The following AKAP6 variants were observed in gnomAD, a reference collection of about 807,000 sequenced individuals.
AKAP6 encodes A-kinase anchoring protein 6, also known as A-kinase anchor protein 6.
AKAP6 carries 58 observed loss-of-function variants against 188.5 expected under a neutral mutation model. The observed-to-expected ratio is 0.31, with a 90% confidence interval of 0.25 to 0.38. The LOEUF (loss-of-function observed/expected upper bound fraction) is 0.38. AKAP6 is among the 10% of genes least tolerant of loss of function. The probability of loss-of-function intolerance (pLI) is 1.00; values close to 1 mark genes in which losing one functional copy is unlikely to be tolerated. For missense variants in AKAP6, 2,710 were observed against 2,740.0 expected (o/e 0.99, Z 0.24); for synonymous variants, 989 against 998.6 (o/e 0.99, Z 0.18).
At chr14:32,417,603 A>C (rs1889700665) in intron 1 of AKAP6, among the ~76,000 whole-genome samples, 1 of 152,202 alleles carries the variant, frequency 6.6e-6, no homozygotes, top group Admixed American at 6.5e-5. Context: ...GTACTAAACA[A>C]AGTGAGAGGC....
At chr14:32,452,899 A>G (rs1890986590) in intron 2 of AKAP6, among the ~76,000 whole-genome samples, 1 of 152,204 alleles carries the variant, frequency 6.6e-6, no homozygotes. Flanking sequence ...TAAATAATAC[A>G]TGTAAATACT....
At chr14:32,734,312 T>G (rs1052597619) in intron 10 of AKAP6, 9 of 152,134 alleles carry the variant, frequency 5.9e-5, no homozygotes, top group African/African-American at 2.2e-4. Flanking sequence ...TCATCTAAGG[T>G]GAACAGTGTG....
chr14:32,591,602 T>A (rs1490323328), intron 5 of AKAP6, among the ~76,000 whole-genome samples: 1 of 151,824 alleles, frequency 6.6e-6, no homozygotes, highest in Admixed American at 6.6e-5. Flanking sequence ...GAAAGTCTCC[T>A]CAGGAAGAAG....
In AKAP6 at chr14:32,568,288, C is replaced by G. The variant is rs1406979581; in HGVS notation, c.2347-8832C>G. On this transcript the variant is annotated intron_variant, in intron 4 of 13. Transcript: ENST00000280979. This position sits in a 1 kb window ranked among gnomAD's most constrained non-coding sequence, Gnocchi z 6.2. The stretch of plus-strand genomic sequence containing the variant: ...CCAGAGCTTAGACCCTGGAACAAAA[C>G]TATTTAATAACCACTTAATAGCTAT... Among the ~76,000 whole-genome samples the G allele has an allele frequency of 6.6e-6, 1 of 152,118 alleles. No individual in the cohort carries two copies. The highest frequency in any genetic ancestry group is 1.5e-5 in the Non-Finnish European group (1 of 68,018).
intron 4 of AKAP6, among the ~76,000 whole-genome samples, chr14:32,567,605 A>G (rs1345167414): frequency 6.6e-6 from 1 of 152,184 alleles, no homozygotes; most frequent in Non-Finnish European, 1.5e-5. Context: ...GAGGAAATTT[A>G]GAGTACTTAG....
At chr14:32,418,678 T>C (rs996021077) in intron 1 of AKAP6, among the ~76,000 whole-genome samples, 5 of 152,192 alleles carry the variant, frequency 3.3e-5, no homozygotes, top group African/African-American at 1.2e-4. Context: ...TTTTCTAGGG[T>C]TGATGAAGGA....
intron 7 of AKAP6, among the ~76,000 whole-genome samples, chr14:32,666,819 T>C (rs1386130285): frequency 6.6e-6 from 1 of 152,098 alleles, no homozygotes; most frequent in African/African-American, 2.4e-5. Flanking sequence ...TATGGAATTA[T>C]TTTGTAAGAA....
At chr14:32,721,989 A>G (rs777684734) in intron 9 of AKAP6, among the ~76,000 whole-genome samples, 2 of 152,160 alleles carry the variant, frequency 1.3e-5, no homozygotes, top group African/African-American at 4.8e-5. Flanking sequence ...ACTATCTCTC[A>G]TGCTGTGTTC....
intron 2 of AKAP6, among the ~76,000 whole-genome samples, chr14:32,483,530 G>A: frequency 6.6e-6 from 1 of 151,892 alleles, no homozygotes; most frequent in East Asian, 1.9e-4. Flanking sequence ...TTTTGCCCAG[G>A]CTGGAGCACA....
At chr14:32,790,136 A>G (rs967983061) in intron 12 of AKAP6, among the ~76,000 whole-genome samples, 17 of 152,224 alleles carry the variant, frequency 1.1e-4, no homozygotes, top group African/African-American at 3.6e-4. Context: ...CCTGAAGACT[A>G]TCTTTCTAAA....
chr14:32,566,981 G>A (rs1361998614), intron 4 of AKAP6, among the ~76,000 whole-genome samples: 2 of 152,100 alleles, frequency 1.3e-5, no homozygotes, highest in Non-Finnish European at 2.9e-5. Flanking sequence ...CTAGAGCGCA[G>A]TAGTGAATCA....
At chr14:32,593,638 G>A (rs1885573981) in intron 5 of AKAP6, among the ~76,000 whole-genome samples, 1 of 152,170 alleles carries the variant, frequency 6.6e-6, no homozygotes. Flanking sequence ...CTCCCAAGCT[G>A]CCTATGCTTA....
At chr14:32,365,270 G>A (rs1188395040) in intron 1 of AKAP6, among the ~76,000 whole-genome samples, 1 of 152,166 alleles carries the variant, frequency 6.6e-6, no homozygotes. Flanking sequence ...TGATTAAGTC[G>A]CAGGAGAAAA....
At chr14:32,810,856 C>T (rs2034206305) in intron 12 of AKAP6, among the ~76,000 whole-genome samples, 1 of 152,112 alleles carries the variant, frequency 6.6e-6, no homozygotes, top group African/African-American at 2.4e-5. Context: ...TCATAGCTGA[C>T]CCACCTATTA....
At chr14:32,507,957 A>C (rs1880964109) in intron 2 of AKAP6, among the ~76,000 whole-genome samples, 1 of 152,194 alleles carries the variant, frequency 6.6e-6, no homozygotes, top group Non-Finnish European at 1.5e-5. Context: ...GTAGAAAGGA[A>C]CAAGCCATGG....
chr14:32,811,879 A>G (rs2034245510), intron 12 of AKAP6, among the ~76,000 whole-genome samples: 1 of 152,206 alleles, frequency 6.6e-6, no homozygotes, highest in African/African-American at 2.4e-5. Flanking sequence ...TGAGTTTGCA[A>G]GTTGGGACCT....
intron 7 of AKAP6, among the ~76,000 whole-genome samples, chr14:32,625,538 T>C (rs1348411043): frequency 1.3e-5 from 2 of 152,126 alleles, no homozygotes; most frequent in Non-Finnish European, 2.9e-5. Context: ...TTAATGTTAT[T>C]AGTTGCCCTT....
intron 9 of AKAP6, among the ~76,000 whole-genome samples, chr14:32,702,323 GA>G (rs1301089252): frequency 6.6e-6 from 1 of 152,018 alleles, no homozygotes; most frequent in African/African-American, 2.4e-5. Flanking sequence ...ATTAAAGTTT[GA>G]AAAGTCCTTA....
At chr14:32,343,085 A>G (rs1392618285) in intron 1 of AKAP6, among the ~76,000 whole-genome samples, 1 of 152,180 alleles carries the variant, frequency 6.6e-6, no homozygotes, top group Non-Finnish European at 1.5e-5. Flanking sequence ...TGAGGAAGGC[A>G]GATAGGATGT....
Sources: allele counts gnomAD v4.1 joint callset (sites outside exome capture counted in the v4.1 genomes callset), GRCh38; gene constraint gnomAD v4.1.1; non-coding constraint Gnocchi (gnomAD v3.1); transcripts MANE v1.5; gene names NCBI Gene and HGNC (gene_info 2026-07-23, HGNC 2026-07-21).